Variants in ABCF1 observed in about 807,000 individuals in gnomAD.
ABCF1 encodes ATP-binding cassette sub-family F member 1.
A neutral mutation model predicts 126.3 loss-of-function variants in ABCF1; 73 were observed. That is an observed-to-expected ratio of 0.58 (90% confidence interval 0.48 to 0.70). The LOEUF (loss-of-function observed/expected upper bound fraction) is 0.70. Among genes scored for constraint, ABCF1 ranks in the 30% least tolerant of loss-of-function variants. ABCF1 has a pLI of 0.00. For synonymous variants in ABCF1, 345 were observed against 396.4 expected (o/e 0.87, Z 1.54); for missense variants, 786 against 1,057.5 (o/e 0.74, Z 3.56).
In ABCF1 at chr6:30,571,454, G is replaced by T; in HGVS notation, c.-34G>T. 1.3e-6 allele frequency: 2 copies of T among 1,591,768 alleles called. No homozygotes were observed. The highest frequency in any genetic ancestry group is 4.5e-5 in the East Asian group (2 of 44,064). On this transcript the variant is annotated 5_prime_UTR_variant, in exon 1 of 25. Transcript: ENST00000326195. ...CGCCGCCGGAAGCGGAAATAGCACC[G>T]GGCGCCGCCACAGTAGCTGTAACTG...
intron 1 of ABCF1, among the ~76,000 whole-genome samples, 161 bp downstream of exon 1, chr6:30,571,721 G>A (rs1020258091): frequency 6.6e-5 from 10 of 152,132 alleles, no homozygotes; most frequent in African/African-American, 2.4e-4. Flanking sequence ...GGGAGGAGTG[G>A]GTTTGGAATC....
Position 30,590,202 on chromosome 6 carries a change from G to A in ABCF1, c.2287G>A (p.Val763Ile). Residue 763 changes from valine (V) to isoleucine (I), a missense_variant, in exon 23 of 25, where the codon GTC becomes ATC. By Grantham distance (29) the Val-to-Ile change is conservative. Transcript: ENST00000326195. ...TGAGCTGGCCTGTCGGGAACCTGAT[G>A]TCCTCATCTTGGTGAGTGAGCTGGG... ...FAELACREPD[V>I]LILDEPTNNL... The A allele has an allele frequency of 1.9e-6, 3 of 1,613,070 alleles. No individual in the cohort carries two copies. Among genetic ancestry groups the A allele is most frequent in the Non-Finnish European group, 2.5e-6 (3 of 1,180,030 alleles).
At chr6:30,576,374 G>A (rs1246124392) in intron 1 of ABCF1, among the ~76,000 whole-genome samples, 2 of 128,416 alleles carry the variant, frequency 1.6e-5, no homozygotes, top group Non-Finnish European at 1.6e-5. Flanking sequence ...TGCAACCTCC[G>A]CCTCCTGGGT....
intron 20 of ABCF1, among the ~76,000 whole-genome samples, chr6:30,587,319 G>C (rs1409783891): frequency 6.6e-6 from 1 of 152,026 alleles, no homozygotes; most frequent in African/African-American, 2.4e-5. Flanking sequence ...GGGGGAGGCT[G>C]AGGCAGGCAG....
chr6:30,585,430 A>G, intron 15 of ABCF1, 87 bp downstream of exon 15: 2 of 1,580,582 alleles, frequency 1.3e-6, no homozygotes, highest in East Asian at 2.2e-5. Context: ...GCCCTTCTCC[A>G]CTGTGCCTGT....
At chr6:30,589,588 G>A in intron 20 of ABCF1, 100 bp from the exon 21 acceptor site, 1 of 1,382,118 alleles carries the variant, frequency 7.2e-7, no homozygotes. Flanking sequence ...GGGGGACAGA[G>A]CGAGACTCCG....
intron 9 of ABCF1, among the ~76,000 whole-genome samples, 185 bp from the exon 10 acceptor site, chr6:30,582,881 C>T (rs1561793071): frequency 6.6e-6 from 1 of 152,040 alleles, no homozygotes; most frequent in Non-Finnish European, 1.5e-5. Flanking sequence ...TTTGTAGAGA[C>T]AGTATTTTAG....
rs1426931034 is a variant in ABCF1, at chr6:30,583,942, A to T, written c.1102+52A>T. On this transcript the variant is annotated intron_variant, in intron 12 of 24. Coordinates refer to ENST00000326195, the MANE Select transcript of ABCF1 (RefSeq NM_001025091.2). The surrounding 1 kb of genome is among the most constrained non-coding windows in gnomAD (Gnocchi z 4.1). The stretch of plus-strand genomic sequence containing the variant: ...TTGGTGGGGTGGGCAGTTGGGTAGA[A>T]AAGCCAGCCAGCCAAGAATAGAAGA... 2.5e-6 allele frequency: 4 copies of T among 1,584,988 alleles called. No homozygotes were observed. The highest frequency in any genetic ancestry group is 3.5e-6 in the Non-Finnish European group (4 of 1,156,018).
chr6:30,582,163 T>G (rs1801849802), intron 8 of ABCF1, among the ~76,000 whole-genome samples: 1 of 151,782 alleles, frequency 6.6e-6, no homozygotes, highest in Non-Finnish European at 1.5e-5. Context: ...TTCACACCAT[T>G]CTCCTGCCTC....
rs753547024 is a variant in ABCF1 at position 30,571,521 on chromosome 6, C to T, written c.34C>T (p.Pro12Ser). The T allele has an allele frequency of 6.2e-7, 1 of 1,611,308 alleles. No individual in the cohort carries two copies. The highest frequency in any genetic ancestry group is 1.7e-5 in the Admixed American group (1 of 59,896). Reference sequence around the variant, plus strand: ...GGCGCCCAAGCAGCAGCCGCCGGAGCCCGAGTGGATCGGGGACGGAGAGAG... The same window carrying T: ...GGCGCCCAAGCAGCAGCCGCCGGAGTCCGAGTGGATCGGGGACGGAGAGAG... ...PKAPKQQPPE[P>S]EWIGDGESTS... Residue 12 changes from proline to serine, a missense_variant, in exon 1 of 25, where the codon CCC becomes TCC. Transcript: ENST00000326195.
At chr6:30,572,512 A>AT (rs368175533) in intron 1 of ABCF1, among the ~76,000 whole-genome samples, 55 of 151,478 alleles carry the variant, frequency 3.6e-4, no homozygotes, top group African/African-American at 8.5e-4. Context: ...ATAGCTGAGT[A>AT]TTTTTTTTTG....
At chr6:30,577,492 G>A in intron 2 of ABCF1, 37 bp downstream of exon 2, 2 of 1,605,886 alleles carry the variant, frequency 1.2e-6, no homozygotes, top group Non-Finnish European at 8.5e-7. Context: ...AAATGACTAT[G>A]GATGTTTCCA....
In ABCF1 at chr6:30,574,385, A is replaced by G. The variant is rs1801394257; in HGVS notation, c.73+2825A>G. Among the ~76,000 whole-genome samples the G allele has an allele frequency of 6.6e-6, 1 of 151,978 alleles. No individual in the cohort carries two copies. Among genetic ancestry groups the G allele is most frequent in the African/African-American group, 2.4e-5 (1 of 41,368 alleles). Reference sequence around the variant, plus strand: ...ACCTCTGGCCTCAACCAGTCCTCCCACCTTGGTCCCCAAAATGTTGGGATT... The same window carrying G: ...ACCTCTGGCCTCAACCAGTCCTCCCGCCTTGGTCCCCAAAATGTTGGGATT... On this transcript the variant is annotated intron_variant, in intron 1 of 24. Coordinates refer to ENST00000326195, the MANE Select transcript of ABCF1 (RefSeq NM_001025091.2). The surrounding 1 kb of genome is among the most constrained non-coding windows in gnomAD (Gnocchi z 4.3).
Position 30,578,289 on chromosome 6 carries a change from A to G in ABCF1, c.344-59A>G, listed in dbSNP as rs149195559. 1.4e-3 allele frequency: 2,186 copies of G among 1,613,798 alleles called. 39 individuals carry two copies. In the Admixed American group the frequency reaches 0.03, roughly 22 times the overall value. ...TACCCTGATCTTCAAGTTGGATTCA[A>G]TTGGGGGGCCAGACATTGTAATTCT... On this transcript the variant is annotated intron_variant, in intron 4 of 24. Transcript: ENST00000326195.
rs971089447 is a variant in ABCF1 at position 30,582,464 on chromosome 6, A to T, written c.749A>T (p.Tyr250Phe). 8 of 1,613,030 alleles carry T rather than the reference A, an allele frequency of 5.0e-6. No individual in the cohort carries two copies. Among genetic ancestry groups the T allele is most frequent in the Non-Finnish European group, 6.8e-6 (8 of 1,179,996 alleles). ...GGAGAGTCTAAGGCAGATGATCCCT[A>T]TGCTCATCTTAGCAAAAAGGAGAAG... The part of the protein sequence containing the change: ...EGGESKADDP[Y>F]AHLSKKEKKK... The change falls in exon 9 of 25, where the codon TAT (tyrosine) becomes TTT (phenylalanine). Residue 250 changes from tyrosine (Y) to phenylalanine (F), a missense_variant. By Grantham distance (22) the Tyr-to-Phe change is conservative. Around this residue, in one of 4 missense-constraint regions of ABCF1, gnomAD observed 322 missense variants for 322.9 expected, o/e 1.00. Transcript: ENST00000326195.
At chr6:30,588,023 C>T (rs1802244389) in intron 20 of ABCF1, among the ~76,000 whole-genome samples, 1 of 151,968 alleles carries the variant, frequency 6.6e-6, no homozygotes. Flanking sequence ...CTGCCTCAGC[C>T]TCCTGAATAG....
intron 15 of ABCF1, 97 bp from the exon 16 acceptor site, chr6:30,585,461 C>T (rs763610634): frequency 1.1e-5 from 17 of 1,585,120 alleles, no homozygotes; most frequent in Non-Finnish European, 1.4e-5. Flanking sequence ...CTATTCAGAC[C>T]CCCCTTTCCC....
intron 1 of ABCF1, among the ~76,000 whole-genome samples, chr6:30,573,808 C>T (rs1030004815): frequency 3.3e-5 from 5 of 152,142 alleles, no homozygotes; most frequent in African/African-American, 7.2e-5. Flanking sequence ...AGTGTTCATT[C>T]GGAGATGATA....
rs9468790 is a variant in ABCF1 at position 30,590,199 on chromosome 6, G to C, written c.2284G>C (p.Asp762His). ...TGCTGAGCTGGCCTGTCGGGAACCT[G>C]ATGTCCTCATCTTGGTGAGTGAGCT... ...VFAELACREP[D>H]VLILDEPTNN... The change falls in exon 23 of 25, where the codon GAT (aspartate) becomes CAT (histidine). Residue 762 changes from aspartate to histidine, a missense_variant. This residue lies in a region of ABCF1 where 288 missense variants were observed against 423.5 expected (regional missense o/e 0.68). Coordinates refer to ENST00000326195, the MANE Select transcript of ABCF1 (RefSeq NM_001025091.2). 1 of 1,612,938 alleles carries C rather than the reference G, an allele frequency of 6.2e-7. No homozygotes were observed. Among genetic ancestry groups the C allele is most frequent in the African/African-American group, 1.3e-5 (1 of 74,916 alleles).
Sources: gnomAD v4.1 joint callset for allele counts (sites outside exome capture counted in the v4.1 genomes callset) on GRCh38, gnomAD v4.1.1 for gene constraint, gnomAD v4.1.1 regional missense constraint, Gnocchi (gnomAD v3.1) non-coding constraint, MANE v1.5 for transcripts, NCBI Gene and HGNC (gene_info 2026-07-23, HGNC 2026-07-21) for gene names.